Variants in SLC39A3 observed in about 807,000 individuals in gnomAD.
SLC39A3 encodes zinc transporter ZIP3.
Under a neutral mutation model 5.1 loss-of-function variants are expected in SLC39A3, and 3 were observed. That is an observed-to-expected ratio of 0.59 (90% confidence interval 0.27 to 1.54). The LOEUF is 1.54. SLC39A3 is among the 40% of genes most tolerant of loss of function. The pLI is 0.12. For synonymous variants in SLC39A3, 250 were observed against 218.8 expected, an observed-to-expected ratio of 1.14 and a Z score of -1.26; for missense variants, 412 against 436.4, an observed-to-expected ratio of 0.94 and a Z score of 0.50.
At chr19:2,737,010 G>A (rs749281144) in intron 2 of SLC39A3, 38 bp downstream of exon 2, 8 of 1,612,434 alleles carry the variant, frequency 5.0e-6, no homozygotes, top group Non-Finnish European at 6.8e-6. Context: ...TGGCCATAAG[G>A]TGCCAAGGGC....
Position 2,732,971 on chromosome 19 carries a change from A to G in SLC39A3, c.725T>C (p.Leu242Pro). ...LAVTVSAMIP[L>P]GIGLGLGIES... ...AATGCCCAGGCCCAGGCCGATGCCCAGGGGGATCATGGCGCTTACGGTGAC... is the reference window on the plus strand; with the variant it reads ...AATGCCCAGGCCCAGGCCGATGCCCGGGGGGATCATGGCGCTTACGGTGAC... Residue 242 changes from leucine (L) to proline (P), a missense_variant, in exon 3 of 3, where the codon CTG (leucine) becomes CCG (proline). Transcript: ENST00000269740. 6.2e-7 allele frequency: 1 copy of G among 1,602,708 alleles called. No individual in the cohort carries two copies. Among genetic ancestry groups the G allele is most frequent in the South Asian group, 1.1e-5 (1 of 90,388 alleles).
At position 2,735,092 on chromosome 19, in the gene SLC39A3, C is replaced by A. The variant is rs1014077192; in HGVS notation, c.211-1607G>T. 2.0e-6 allele frequency: 2 copies of A among 985,360 alleles called. No individual in the cohort carries two copies. Among genetic ancestry groups the A allele is most frequent in the Non-Finnish European group, 2.4e-6 (2 of 829,954 alleles). 61.0% of individuals were successfully genotyped at this position (985,360 alleles called of 1,614,324 possible). ...CACTGTGATGAGGGGGAGGGAAGAG[C>A]AAGCTCCCCGCAGTCGCCCAGGCCT... On this transcript the variant is annotated intron_variant, in intron 2 of 2. Coordinates refer to ENST00000269740, the MANE Select transcript of SLC39A3 (RefSeq NM_144564.5). The surrounding 1 kb of genome is among the most constrained non-coding windows in gnomAD (Gnocchi z 5.7).
chr19:2,736,857 C>G (rs1023219625), intron 2 of SLC39A3, 191 bp downstream of exon 2: 1 of 1,484,728 alleles, frequency 6.7e-7, no homozygotes, highest in South Asian at 1.4e-5. Flanking sequence ...GTCCAAACCC[C>G]TTGTTTGGCC....
rs760295213 is a variant in SLC39A3, at chr19:2,733,402, G to A, written c.294C>T (p.Thr98=). 16 of 1,612,996 alleles carry A rather than the reference G, an allele frequency of 9.9e-6. No homozygotes were observed. The highest frequency in any genetic ancestry group is 2.2e-5 in the East Asian group (1 of 44,894). ...TCAGGATCAGCTGCTCCAGGAAGAC[G>A]GTCATGAAGAAGCCCAGCAGGAGGA... ...ETILLLGFFM[T]VFLEQLILTF... is the part of the protein sequence containing the mutation. Residue 98 remains threonine, a synonymous_variant, in exon 3 of 3, where the codon ACC becomes ACT. Coordinates refer to ENST00000269740, the MANE Select transcript of SLC39A3 (RefSeq NM_144564.5). This position sits in a 1 kb window ranked among gnomAD's most constrained non-coding sequence, Gnocchi z 6.1.
chr19:2,732,793 C>T lies in SLC39A3; in HGVS notation c.903G>A (p.Leu301=), dbSNP rs773672870. The change falls in exon 3 of 3, where the codon CTG becomes CTA. Residue 301 remains leucine, a synonymous_variant. Transcript: ENST00000269740. ...DRLLKVLFLV[L]GYTVLAGMVF... is the part of the protein sequence containing the mutation. ...CCATCCCGGCCAGGACGGTGTAGCC[C>T]AGCACCAGGAAGAGGACCTTGAGCA... The T allele has an allele frequency of 1.2e-6, 2 of 1,608,074 alleles. No homozygotes were observed. Among genetic ancestry groups the T allele is most frequent in the Non-Finnish European group, 1.7e-6 (2 of 1,177,084 alleles).
rs35849548 is a variant in SLC39A3, at chr19:2,737,392, G to A, written c.-122-13C>T. The A allele has an allele frequency of 6.6e-5, 94 of 1,423,878 alleles. No individual in the cohort carries two copies. The highest frequency in any genetic ancestry group is 8.7e-5 in the Non-Finnish European group (93 of 1,074,604). 88.2% of individuals were successfully genotyped at this position (1,423,878 alleles called of 1,614,324 possible). A position where few individuals can be genotyped will look rare whatever the true frequency, so the allele number is the denominator to read the frequency against. ...CTCAGTCCAGCAACTGTGAACATCA[G>A]GGGCACTGCATTAGCTTTCTTTCTT... On this transcript the variant is annotated splice_polypyrimidine_tract_variant and intron_variant, in intron 1 of 2. Coordinates refer to ENST00000269740, the MANE Select transcript of SLC39A3 (RefSeq NM_144564.5).
Position 2,733,267 on chromosome 19 carries a change from G to GCCCCGCGCGC in SLC39A3, c.419_428dup (p.His144ArgfsTer44). The GCCCCGCGCGC allele has an allele frequency of 6.2e-7, 1 of 1,612,450 alleles. No individual in the cohort carries two copies. The highest frequency in any genetic ancestry group is 2.2e-5 in the East Asian group (1 of 44,866). On this transcript the variant is annotated frameshift_variant, in exon 3 of 3. Transcript: ENST00000269740. LOFTEE classifies it low-confidence loss of function (END_TRUNC). The surrounding 1 kb of genome is among the most constrained non-coding windows in gnomAD (Gnocchi z 6.1). ...CGTGGGGCTCCACGTACAGCGCGTGGCCCCGCGCGCCCCCCATGAAGGGGC... is the reference window on the plus strand; with the variant it reads ...CGTGGGGCTCCACGTACAGCGCGTGGCCCCGCGCGCCCCCGCGCGCCCCCCATGAAGGGGC...
rs1914309538 is a variant in SLC39A3, at chr19:2,734,836, C to T, written c.211-1351G>A. The T allele has an allele frequency of 2.0e-6, 2 of 985,446 alleles. No individual in the cohort carries two copies. The highest frequency in any genetic ancestry group is 1.7e-5 in the African/African-American group (1 of 57,356). The allele number at this position is 985,446 out of a possible 1,614,324, so 61.0% of individuals were successfully genotyped here. A position where few individuals can be genotyped will look rare whatever the true frequency, so the allele number is the denominator to read the frequency against. On this transcript the variant is annotated intron_variant, in intron 2 of 2. Coordinates refer to ENST00000269740, the MANE Select transcript of SLC39A3 (RefSeq NM_144564.5). The surrounding 1 kb of genome is among the most constrained non-coding windows in gnomAD (Gnocchi z 4.6). ...CCGGCTGGAGGCCTCATGCATGCCT[C>T]GCTTGAGGACAAGCTCATGAGGAAC...
rs752287809 is a variant in SLC39A3 at position 2,732,742 on chromosome 19, C to T, written c.*9G>A. On this transcript the variant is annotated 3_prime_UTR_variant, in exon 3 of 3. Transcript: ENST00000269740. ...CGGGCTCCGGCGGCAGGGACAATGG[C>T]GAGGCCGCTCACCACTTGAGGAAGA... 5.8e-5 allele frequency: 89 copies of T among 1,536,702 alleles called. No individual in the cohort carries two copies. The highest frequency in any genetic ancestry group is 7.2e-5 in the Non-Finnish European group (82 of 1,141,358).
chr19:2,735,074 A>T lies in SLC39A3; in HGVS notation c.211-1589T>A. ...TGGGTGCCATGAGAAGGCCACTGTG[A>T]TGAGGGGGAGGGAAGAGCAAGCTCC... On this transcript the variant is annotated intron_variant, in intron 2 of 2. Coordinates refer to ENST00000269740, the MANE Select transcript of SLC39A3 (RefSeq NM_144564.5). The surrounding 1 kb of genome is among the most constrained non-coding windows in gnomAD (Gnocchi z 5.7). 4.1e-6 allele frequency: 4 copies of T among 985,296 alleles called. No individual in the cohort carries two copies. Among genetic ancestry groups the T allele is most frequent in the Non-Finnish European group, 4.8e-6 (4 of 829,948 alleles). 61.0% of individuals were successfully genotyped at this position (985,296 alleles called of 1,614,324 possible).
At chr19:2,736,362 TAC>T (rs1353849989) in intron 2 of SLC39A3, 2 of 215,784 alleles carry the variant, frequency 9.3e-6, no homozygotes, top group Non-Finnish European at 8.2e-6. Flanking sequence ...CCCTCTGTCT[TAC>T]ACAGAGTCAT....
In SLC39A3 at chr19:2,732,810, C is replaced by T. The variant is rs1205269389; in HGVS notation, c.886G>A (p.Val296Ile). ...LEEKSDRLLK[V>I]LFLVLGYTVL... ...GTGTAGCCCAGCACCAGGAAGAGGACCTTGAGCAGACGGTCACTCTTCTCC... is the reference window on the plus strand; with the variant it reads ...GTGTAGCCCAGCACCAGGAAGAGGATCTTGAGCAGACGGTCACTCTTCTCC... Residue 296 changes from valine (V) to isoleucine (I), a missense_variant, in exon 3 of 3, where the codon GTC becomes ATC. Val to Ile is a conservative substitution (Grantham distance 29, BLOSUM62 3). Transcript: ENST00000269740. The T allele has an allele frequency of 1.9e-6, 3 of 1,610,854 alleles. No homozygotes were observed. The highest frequency in any genetic ancestry group is 2.5e-6 in the Non-Finnish European group (3 of 1,178,838).
At chr19:2,739,142 C>T (rs1009948241) in intron 1 of SLC39A3, among the ~76,000 whole-genome samples, 3 of 151,768 alleles carry the variant, frequency 2.0e-5, no homozygotes, top group Admixed American at 6.6e-5. Context: ...CCTCTCTGCC[C>T]CTGGCTGACT....
rs984962865 is a variant in SLC39A3 at position 2,734,652 on chromosome 19, C to G, written c.211-1167G>C. 4.8e-6 allele frequency: 4 copies of G among 832,468 alleles called. No individual in the cohort carries two copies. The highest frequency in any genetic ancestry group is 5.8e-6 in the Non-Finnish European group (4 of 690,256). The allele number at this position is 832,468 out of a possible 1,614,324, so 51.6% of individuals were successfully genotyped here. A position where few individuals can be genotyped will look rare whatever the true frequency, so the allele number is the denominator to read the frequency against. ...GGTGCTGCTGAGCAGTGTCTCTGGC[C>G]TCCACCCACTCCAGGCCAGGAGCAC... On this transcript the variant is annotated intron_variant, in intron 2 of 2. Transcript: ENST00000269740. The surrounding 1 kb of genome is among the most constrained non-coding windows in gnomAD (Gnocchi z 4.6).
At chr19:2,739,327 C>T (rs1914477464) in intron 1 of SLC39A3, 1 of 152,040 alleles carries the variant, frequency 6.6e-6, no homozygotes, top group Non-Finnish European at 1.5e-5. Flanking sequence ...CCCAAAATGT[C>T]ACCGTTCTTA....
At position 2,735,913 on chromosome 19, in the gene SLC39A3, C is replaced by CT; in HGVS notation, c.210+1134_210+1135insA. ...CACTAGGCACGAGGAAAAGCAGGGC[C>CT]AGGGGTTGGGGGATAAGCTTAGGGC... On this transcript the variant is annotated intron_variant, in intron 2 of 2. Transcript: ENST00000269740. The surrounding 1 kb of genome is among the most constrained non-coding windows in gnomAD (Gnocchi z 5.7). 4 of 985,516 alleles carry CT rather than the reference C, an allele frequency of 4.1e-6. No homozygotes were observed. Among genetic ancestry groups the CT allele is most frequent in the Non-Finnish European group, 4.8e-6 (4 of 830,004 alleles). 61.0% of individuals were successfully genotyped at this position (985,516 alleles called of 1,614,324 possible).
Position 2,735,079 on chromosome 19 carries a change from G to C in SLC39A3, c.211-1594C>G. ...GCCATGAGAAGGCCACTGTGATGAGGGGGAGGGAAGAGCAAGCTCCCCGCA... is the reference window on the plus strand; with the variant it reads ...GCCATGAGAAGGCCACTGTGATGAGCGGGAGGGAAGAGCAAGCTCCCCGCA... On this transcript the variant is annotated intron_variant, in intron 2 of 2. Transcript: ENST00000269740. This position sits in a 1 kb window ranked among gnomAD's most constrained non-coding sequence, Gnocchi z 5.7. 1.0e-6 allele frequency: 1 copy of C among 985,430 alleles called. No homozygotes were observed. The highest frequency in any genetic ancestry group is 1.2e-6 in the Non-Finnish European group (1 of 829,964). The allele number at this position is 985,430 out of a possible 1,614,324, so 61.0% of individuals were successfully genotyped here.
At chr19:2,736,365 A>T (rs1403392447) in intron 2 of SLC39A3, 2 of 214,006 alleles carry the variant, frequency 9.3e-6, no homozygotes, top group Non-Finnish European at 1.7e-5. Flanking sequence ...TCTGTCTTAC[A>T]CAGAGTCATG....
In SLC39A3 at chr19:2,733,008, C is replaced by A; in HGVS notation, c.688G>T (p.Ala230Ser). 6.3e-7 allele frequency: 1 copy of A among 1,598,906 alleles called. No individual in the cohort carries two copies. Among genetic ancestry groups the A allele is most frequent in the Non-Finnish European group, 8.5e-7 (1 of 1,171,946 alleles). The change falls in exon 3 of 3, where the codon GCC (alanine) becomes TCC (serine). Residue 230 changes from alanine to serine, a missense_variant. Transcript: ENST00000269740. The surrounding 1 kb of genome is among the most constrained non-coding windows in gnomAD (Gnocchi z 6.1). ...GCGCTTACGGTGACCGCCAGCTTGGCCGCGTCCCGCAGGGGCATGGCACTC... is the reference window on the plus strand; with the variant it reads ...GCGCTTACGGTGACCGCCAGCTTGGACGCGTCCCGCAGGGGCATGGCACTC... Reference protein sequence around the residue: ...ARSAMPLRDAAKLAVTVSAMI... With the variant: ...ARSAMPLRDASKLAVTVSAMI...
Sources: gnomAD v4.1 joint callset for allele counts (sites outside exome capture counted in the v4.1 genomes callset) on GRCh38, gnomAD v4.1.1 for gene constraint, Gnocchi (gnomAD v3.1) non-coding constraint, MANE v1.5 for transcripts, NCBI Gene and HGNC (gene_info 2026-07-23, HGNC 2026-07-21) for gene names.